The following ZNF507 variants were observed in gnomAD, a reference collection of about 807,000 sequenced individuals.
The protein encoded by ZNF507 is zinc finger protein 507.
In ZNF507, 29 loss-of-function variants were observed where a neutral mutation model predicts 80.0. That is an observed-to-expected ratio of 0.36 (90% CI 0.27 to 0.49). The LOEUF (loss-of-function observed/expected upper bound fraction) is 0.49, where lower values mean the gene tolerates loss of function less well. ZNF507 is among the 20% of genes least tolerant of loss of function. ZNF507 has a pLI of 0.98. For synonymous variants in ZNF507, 462 were observed against 422.5 expected, an observed-to-expected ratio of 1.09 and a Z score of -1.15; for missense variants, 1,081 against 1,152.2, an observed-to-expected ratio of 0.94 and a Z score of 0.90.
At position 32,382,765 on chromosome 19, in the gene ZNF507, G is replaced by C; in HGVS notation, c.2544G>C (p.Glu848Asp). The change falls in exon 7 of 7, where the codon GAG (glutamate) becomes GAC (aspartate). Residue 848 changes from glutamate (E) to aspartate (D), a missense_variant. Coordinates refer to ENST00000355898, the MANE Select transcript of ZNF507 (RefSeq NM_001136156.2). The part of the protein sequence containing the change: ...PGKTQLKSSE[E>D]SADPVTGSSE... Reference sequence around the variant, plus strand: ...AGACTCAATTAAAGAGCAGTGAAGAGAGTGCAGATCCCGTCACTGGAAGTT... The same window carrying C: ...AGACTCAATTAAAGAGCAGTGAAGACAGTGCAGATCCCGTCACTGGAAGTT... 2 of 1,614,078 alleles carry C rather than the reference G, an allele frequency of 1.2e-6. No individual in the cohort carries two copies. Among genetic ancestry groups the C allele is most frequent in the Non-Finnish European group, 1.7e-6 (2 of 1,179,990 alleles).
intron 2 of ZNF507, among the ~76,000 whole-genome samples, chr19:32,352,375 G>GT (rs923240764): frequency 2.6e-5 from 4 of 152,108 alleles, no homozygotes; most frequent in African/African-American, 9.7e-5. Flanking sequence ...CTCAAGAATT[G>GT]TATCAGTCAT....
rs376442575 is a variant in ZNF507, at chr19:32,360,578, A to G, written c.2320A>G (p.Arg774Gly). The G allele has an allele frequency of 1.2e-6, 2 of 1,604,788 alleles. No individual in the cohort carries two copies. Among genetic ancestry groups the G allele is most frequent in the African/African-American group, 2.7e-5 (2 of 74,586 alleles). The part of the protein sequence containing the change: ...DYTSTTYVGV[R>G]NHRRIHNSDK... The stretch of plus-strand genomic sequence containing the variant: ...TACAAGTACAACATATGTTGGTGTC[A>G]GAAACCACAGGCGAATCCATAACTC... The change falls in exon 5 of 7, where the codon AGA becomes GGA. Residue 774 changes from arginine to glycine, a missense_variant. By Grantham distance (125) the Arg-to-Gly change is moderately radical. Around this residue, in one of 6 missense-constraint regions of ZNF507, gnomAD observed 40 missense variants for 52.4 expected, o/e 0.76. Transcript: ENST00000355898.
At chr19:32,377,281 C>G (rs528752091) in intron 5 of ZNF507, among the ~76,000 whole-genome samples, 1 of 152,312 alleles carries the variant, frequency 6.6e-6, no homozygotes, top group African/African-American at 2.4e-5. Context: ...TTCCCAGATG[C>G]TGGCATTACC....
intron 2 of ZNF507, 41 bp from the exon 3 acceptor site, chr19:32,352,788 C>G: frequency 6.6e-7 from 1 of 1,504,132 alleles, no homozygotes. Flanking sequence ...TGTAATTATC[C>G]TGTAACCTGG....
chr19:32,352,474 C>CTTTTTTTTTT (rs34217641), intron 2 of ZNF507, among the ~76,000 whole-genome samples: 10 of 146,298 alleles, frequency 6.8e-5, no homozygotes, highest in Non-Finnish European at 7.5e-5. Context: ...GAATAGGAGT[C>CTTTTTTTTTT]TTTTTTTTTT....
At chr19:32,372,610 G>A (rs771180311) in intron 5 of ZNF507, among the ~76,000 whole-genome samples, 2 of 151,882 alleles carry the variant, frequency 1.3e-5, no homozygotes, top group South Asian at 2.1e-4. Context: ...GGACACATGC[G>A]AAGAACGGAA....
chr19:32,370,891 G>A (rs190552366), intron 5 of ZNF507, among the ~76,000 whole-genome samples: 3 of 152,240 alleles, frequency 2.0e-5, no homozygotes, highest in Non-Finnish European at 1.5e-5. Flanking sequence ...CCCATTTTGA[G>A]TTGATTGCTG....
Position 32,360,553 on chromosome 19 carries a change from T to C in ZNF507, c.2295T>C (p.Tyr765=), listed in dbSNP as rs1387929892. 2 of 1,604,226 alleles carry C rather than the reference T, an allele frequency of 1.2e-6. No individual in the cohort carries two copies. The highest frequency in any genetic ancestry group is 1.7e-6 in the Non-Finnish European group (2 of 1,175,528). Reference sequence around the variant, plus strand: ...AATATAGATGTGATGTGTGTGATTATACAAGTACAACATATGTTGGTGTCA... The same window carrying C: ...AATATAGATGTGATGTGTGTGATTACACAAGTACAACATATGTTGGTGTCA... ...QKQYRCDVCD[Y]TSTTYVGVRN... The change falls in exon 5 of 7, where the codon TAT becomes TAC. Residue 765 remains tyrosine (Y), a synonymous_variant. Coordinates refer to ENST00000355898, the MANE Select transcript of ZNF507 (RefSeq NM_001136156.2).
At position 32,386,161 on chromosome 19, in the gene ZNF507, TAG is replaced by T. The variant is rs1350000030; in HGVS notation, c.*3079_*3080del. 3 of 152,662 alleles carry T rather than the reference TAG, an allele frequency of 2.0e-5. No homozygotes were observed. The highest frequency in any genetic ancestry group is 7.2e-5 in the African/African-American group (3 of 41,464). 9.5% of individuals were successfully genotyped at this position (152,662 alleles called of 1,614,324 possible). The stretch of plus-strand genomic sequence containing the variant: ...CGGTAGTCCAAGTTCTTTGGCCAGA[TAG>T]TGCAATGTTGTGACACCGACCGAAG... On this transcript the variant is annotated 3_prime_UTR_variant, in exon 7 of 7. Transcript: ENST00000355898.
chr19:32,362,973 A>G (rs1967349463), intron 5 of ZNF507, among the ~76,000 whole-genome samples: 1 of 152,160 alleles, frequency 6.6e-6, no homozygotes, highest in Admixed American at 6.5e-5. Flanking sequence ...CTTTGCCTTC[A>G]TGGGATTTCT....
At chr19:32,358,648 T>C (rs1967282256) in intron 4 of ZNF507, 1 of 152,194 alleles carries the variant, frequency 6.6e-6, no homozygotes, top group African/African-American at 2.4e-5. Flanking sequence ...CCTAATTAAA[T>C]TGTTTTTTAT....
Position 32,354,008 on chromosome 19 carries a change from G to C in ZNF507, c.1178G>C (p.Gly393Ala). 6.2e-7 allele frequency: 1 copy of C among 1,614,128 alleles called. No homozygotes were observed. Among genetic ancestry groups the C allele is most frequent in the Non-Finnish European group, 8.5e-7 (1 of 1,180,032 alleles). Residue 393 changes from glycine (G) to alanine (A), a missense_variant, in exon 3 of 7, where the codon GGG becomes GCG. Gly to Ala is a moderately conservative substitution (Grantham distance 60, BLOSUM62 0). Around this residue, in one of 6 missense-constraint regions of ZNF507, gnomAD observed 614 missense variants for 583.9 expected, o/e 1.05. Coordinates refer to ENST00000355898, the MANE Select transcript of ZNF507 (RefSeq NM_001136156.2). ...KIISSSPNKK[G>A]HVNVIVERLP... ...ATCAGCAGCAGCCCCAATAAAAAAG[G>C]GCATGTTAACGTGATAGTGGAGCGA...
chr19:32,352,795 C>T (rs769711111), intron 2 of ZNF507, 34 bp from the exon 3 acceptor site: 2 of 1,513,994 alleles, frequency 1.3e-6, no homozygotes, highest in Non-Finnish European at 1.8e-6. Context: ...ATCCTGTAAC[C>T]TGGTATTTTT....
intron 2 of ZNF507, among the ~76,000 whole-genome samples, chr19:32,347,679 A>G (rs771444329): frequency 2.6e-5 from 4 of 152,122 alleles, no homozygotes; most frequent in Non-Finnish European, 4.4e-5. Context: ...CACAAAATCT[A>G]CAGAGGCATT....
At chr19:32,350,259 T>G (rs2145312695) in intron 2 of ZNF507, among the ~76,000 whole-genome samples, 1 of 152,080 alleles carries the variant, frequency 6.6e-6, no homozygotes, top group South Asian at 2.1e-4. Flanking sequence ...GCATTGATTT[T>G]GCATGGGGAC....
chr19:32,379,656 A>C (rs1241426751), intron 5 of ZNF507, among the ~76,000 whole-genome samples: 1 of 152,214 alleles, frequency 6.6e-6, no homozygotes, highest in Non-Finnish European at 1.5e-5. Flanking sequence ...TAAGTAATAC[A>C]TTCTGTTGGT....
At chr19:32,367,431 G>T (rs1426745418) in intron 5 of ZNF507, among the ~76,000 whole-genome samples, 1 of 152,170 alleles carries the variant, frequency 6.6e-6, no homozygotes, top group Non-Finnish European at 1.5e-5. Context: ...TGAGTACAAG[G>T]CCTTTGTGGG....
At chr19:32,366,572 A>G (rs1163533446) in intron 5 of ZNF507, among the ~76,000 whole-genome samples, 1 of 152,122 alleles carries the variant, frequency 6.6e-6, no homozygotes, top group Non-Finnish European at 1.5e-5. Context: ...ATAGTATTCC[A>G]CTGTTAAGAC....
chr19:32,362,264 CAG>C (rs1967339232), intron 5 of ZNF507, among the ~76,000 whole-genome samples: 1 of 152,198 alleles, frequency 6.6e-6, no homozygotes, highest in African/African-American at 2.4e-5. Flanking sequence ...GTGATGGAAA[CAG>C]GGAACACTAG....
Sources: gnomAD v4.1 joint callset for allele counts (sites outside exome capture counted in the v4.1 genomes callset) on GRCh38, gnomAD v4.1.1 for gene constraint, gnomAD v4.1.1 regional missense constraint, MANE v1.5 for transcripts, NCBI Gene and HGNC (gene_info 2026-07-23, HGNC 2026-07-21) for gene names.